The following UACA variants were observed in gnomAD, a reference collection of about 807,000 sequenced individuals.
UACA encodes the protein nuclear membrane binding protein.
A neutral mutation model predicts 160.5 loss-of-function variants in UACA; 112 were observed. The ratio of observed to expected loss-of-function variants is 0.70; its 90% CI spans 0.60 to 0.82. UACA has a LOEUF of 0.82. Ranked by LOEUF, UACA falls within the 40% of genes least tolerant of loss-of-function variation. UACA has a pLI of 0.00. For missense variants in UACA, 1,574 were observed against 1,614.6 expected (o/e 0.97, Z 0.43); for synonymous variants, 557 against 568.4 (o/e 0.98, Z 0.29).
At chr15:70,747,526 AT>A (rs1213624746) in intron 1 of UACA, among the ~76,000 whole-genome samples, 1 of 151,660 alleles carries the variant, frequency 6.6e-6, no homozygotes, top group African/African-American at 2.4e-5. Context: ...CACCTGGCTA[AT>A]TTTTTTTAAG....
Position 70,662,604 on chromosome 15 carries a change from T to G in UACA, c.4113+2058A>C, listed in dbSNP as rs907030663. On this transcript the variant is annotated intron_variant, in intron 17 of 18. Coordinates refer to ENST00000322954, the MANE Select transcript of UACA (RefSeq NM_018003.4). ...GCTGGAGGCATCATGCTACCTAACTTCAAACTATACTACAAGGCTACAGTA... is the reference window on the plus strand; with the variant it reads ...GCTGGAGGCATCATGCTACCTAACTGCAAACTATACTACAAGGCTACAGTA... Among the ~76,000 whole-genome samples the G allele has an allele frequency of 3.3e-5, 5 of 152,160 alleles. 1 individual carries two copies. In the South Asian group the frequency reaches 8.3e-4, roughly 25 times the overall value.
At chr15:70,762,817 T>G (rs1193168642) in intron 1 of UACA, among the ~76,000 whole-genome samples, 1 of 152,242 alleles carries the variant, frequency 6.6e-6, no homozygotes, top group Non-Finnish European at 1.5e-5. Context: ...CCGGCAGGGC[T>G]TGACGCTGTC....
the UACA span, among the ~76,000 whole-genome samples, chr15:70,772,353 C>T: frequency 1.3e-5 from 2 of 151,740 alleles, no homozygotes. Context: ...ATTAGCCAGG[C>T]GTGGTGGTGG....
chr15:70,730,079 G>C (rs1899276408), intron 1 of UACA, among the ~76,000 whole-genome samples: 1 of 22,182 alleles, frequency 4.5e-5, no homozygotes, highest in Non-Finnish European at 8.8e-5. Flanking sequence ...CTAAAACGCA[G>C]AGCGCCTCTC....
chr15:70,666,114 A>G (rs193122499), intron 16 of UACA, among the ~76,000 whole-genome samples: 1 of 152,350 alleles, frequency 6.6e-6, no homozygotes, highest in Admixed American at 6.5e-5. Flanking sequence ...GCAAAGCCAC[A>G]GTAAAACATC....
At chr15:70,709,989 T>C (rs1016910483) in intron 1 of UACA, among the ~76,000 whole-genome samples, 3 of 152,284 alleles carry the variant, frequency 2.0e-5, no homozygotes, top group Non-Finnish European at 4.4e-5. Context: ...AAAAATCTAA[T>C]GAGGCAGGGT....
the UACA span, chr15:70,778,698 A>G: frequency 6.6e-6 from 1 of 152,234 alleles, no homozygotes; most frequent in Non-Finnish European, 1.5e-5. Context: ...TGGGGATTAC[A>G]ACATGGACAT....
At chr15:70,665,102 G>A (rs1424730551) in intron 16 of UACA, among the ~76,000 whole-genome samples, 1 of 152,122 alleles carries the variant, frequency 6.6e-6, no homozygotes, top group Non-Finnish European at 1.5e-5. Flanking sequence ...TAATATATAA[G>A]CATCTACGAA....
In UACA at chr15:70,667,189, G is replaced by A; in HGVS notation, c.3495C>T (p.Pro1165=). Residue 1165 remains proline (P), a synonymous_variant, in exon 16 of 19, where the codon CCC becomes CCT. Coordinates refer to ENST00000322954, the MANE Select transcript of UACA (RefSeq NM_018003.4). ...CTTTAATCTGCAAATGCTCTGCCAG[G>A]GGTACAGAAGAGTTCTTTTGATTCT... ...LLENQKNSSV[P]LAEHLQIKEA... 6.2e-7 allele frequency: 1 copy of A among 1,613,748 alleles called. No individual in the cohort carries two copies. Among genetic ancestry groups the A allele is most frequent in the East Asian group, 2.2e-5 (1 of 44,868 alleles).
chr15:70,772,721 G>T, the UACA span, among the ~76,000 whole-genome samples: 5 of 152,152 alleles, frequency 3.3e-5, no homozygotes, highest in South Asian at 6.2e-4. Flanking sequence ...GTAATTTAAA[G>T]CCATGAGGCC....
At position 70,703,032 on chromosome 15, in the gene UACA, C is replaced by T. The variant is rs560622875; in HGVS notation, c.79-3372G>A. ...TTAAACACTAAAGGAGGCAAATACA[C>T]ATTAGACAACGAGCTAGACTATTAA... On this transcript the variant is annotated intron_variant, in intron 1 of 18. Coordinates refer to ENST00000322954, the MANE Select transcript of UACA (RefSeq NM_018003.4). The T allele has an allele frequency of 2.1e-5, 25 of 1,162,804 alleles. No homozygotes were observed. The South Asian group carries it at 3.2e-4, about 15-fold the overall frequency. 72.0% of individuals were successfully genotyped at this position (1,162,804 alleles called of 1,614,324 possible). A position where few individuals can be genotyped will look rare whatever the true frequency, so the allele number is the denominator to read the frequency against.
chr15:70,684,469 A>T, intron 7 of UACA, 23 bp from the exon 8 acceptor site: 1 of 1,587,712 alleles, frequency 6.3e-7, no homozygotes, highest in Non-Finnish European at 8.5e-7. Flanking sequence ...ATGGAAGAGC[A>T]AAAGACTGAG....
In UACA at chr15:70,668,735, A is replaced by T. The variant is rs1291808645; in HGVS notation, c.1949T>A (p.Leu650Ter). Residue 650 changes from leucine to a stop codon, truncating the protein, a stop_gained, in exon 16 of 19, where the codon TTA (leucine) becomes TAA (stop). Coordinates refer to ENST00000322954, the MANE Select transcript of UACA (RefSeq NM_018003.4). LOFTEE classifies it high-confidence loss of function. ...SNEVNEKAKK[L>*]VEMEREHEKS... is the part of the protein sequence containing the mutation. ...TTCATGTTCTCTTTCCATTTCTACT[A>T]ATTTTTTTGCTTTCTCATTCACTTC... is the stretch of plus-strand genomic sequence containing the variant. The T allele has an allele frequency of 1.2e-6, 2 of 1,613,322 alleles. No individual in the cohort carries two copies. Among genetic ancestry groups the T allele is most frequent in the Non-Finnish European group, 1.7e-6 (2 of 1,179,886 alleles).
At chr15:70,664,055 T>C (rs900933606) in intron 17 of UACA, among the ~76,000 whole-genome samples, 1 of 152,166 alleles carries the variant, frequency 6.6e-6, no homozygotes, top group Non-Finnish European at 1.5e-5. Flanking sequence ...TAATCAGTTA[T>C]TATTCTATTT....
chr15:70,775,561 T>C, the UACA span, among the ~76,000 whole-genome samples: 1 of 152,230 alleles, frequency 6.6e-6, no homozygotes. Context: ...ATTTTTGATA[T>C]TGGAGTTAGG....
intron 3 of UACA, among the ~76,000 whole-genome samples, chr15:70,692,367 T>C (rs1009603683): frequency 3.3e-5 from 5 of 152,024 alleles, no homozygotes; most frequent in Non-Finnish European, 7.4e-5. Flanking sequence ...CTCACTGTAT[T>C]GCCCAAAGTG....
At chr15:70,703,656 G>C (rs1483072752) in intron 1 of UACA, among the ~76,000 whole-genome samples, 7 of 152,138 alleles carry the variant, frequency 4.6e-5, no homozygotes, top group African/African-American at 1.7e-4. Context: ...AAGGAAGAGG[G>C]AAAACAGTAA....
At chr15:70,681,380 AAAG>A (rs1349154265) in intron 9 of UACA, among the ~76,000 whole-genome samples, 3 of 152,178 alleles carry the variant, frequency 2.0e-5, no homozygotes, top group Admixed American at 6.5e-5. Context: ...TTAAAAAAAA[AAAG>A]TCCTATTTAC....
chr15:70,737,868 C>A (rs956274414), intron 1 of UACA, among the ~76,000 whole-genome samples: 2 of 152,118 alleles, frequency 1.3e-5, no homozygotes, highest in African/African-American at 4.8e-5. Context: ...GAGCATCAGC[C>A]ACAGTACTTA....
Sources: gnomAD v4.1 joint callset for allele counts (sites outside exome capture counted in the v4.1 genomes callset) on GRCh38, gnomAD v4.1.1 for gene constraint, MANE v1.5 for transcripts, NCBI Gene and HGNC (gene_info 2026-07-23, HGNC 2026-07-21) for gene names.